Variants in C19orf53 observed in about 807,000 individuals in gnomAD.
C19orf53 encodes chromosome 19 open reading frame 53, also known as leydig cell tumor 10 kDa protein homolog.
In C19orf53, 9 loss-of-function variants were observed where a neutral mutation model predicts 6.5. The ratio of observed to expected loss-of-function variants is 1.38; its 90% CI spans 0.83 to 2.40. C19orf53 has a LOEUF of 2.40. C19orf53 is among the 30% of genes most tolerant of loss of function. C19orf53 has a pLI of 0.00. For missense variants in C19orf53, 166 were observed against 129.7 expected (o/e 1.28, Z -1.36); for synonymous variants, 68 against 52.5 (o/e 1.29, Z -1.27).
Position 13,774,914 on chromosome 19 carries a change from G to A in C19orf53, c.153+207G>A, listed in dbSNP as rs779409385. The stretch of plus-strand genomic sequence containing the variant: ...GGGGCGCAGAGAGGGGTAAGAGGTG[G>A]AAGCTGGCGAGGGATAGGGGCTGGG... On this transcript the variant is annotated intron_variant, in intron 2 of 2. Transcript: ENST00000588234. 4 of 661,740 alleles carry A rather than the reference G, an allele frequency of 6.0e-6. No homozygotes were observed. The South Asian group carries it at 6.2e-5, about 10-fold the overall frequency. The allele number at this position is 661,740 out of a possible 1,614,324, so 41.0% of individuals were successfully genotyped here.
rs774651891 is a variant in C19orf53, at chr19:13,774,531, G to A, written c.54G>A (p.Thr18=). 6.2e-6 allele frequency: 10 copies of A among 1,613,584 alleles called. No individual in the cohort carries two copies. The highest frequency in any genetic ancestry group is 1.6e-4 in the Middle Eastern group (1 of 6,082). ...CGCACAAACCCGCAAAGAGTAAGAC[G>A]GCAGCGGCAGCCTCTGAAAAGAATC... ...FQAHKPAKSK[T]AAAASEKNRG... is the part of the protein sequence containing the mutation. Residue 18 remains threonine (T), a synonymous_variant, in exon 1 of 3, where the codon ACG becomes ACA. Coordinates refer to ENST00000588234, the MANE Select transcript of C19orf53 (RefSeq NM_014047.3).
In C19orf53 at chr19:13,778,249, G is replaced by A. The variant is rs371370587; in HGVS notation, c.*51G>A. On this transcript the variant is annotated 3_prime_UTR_variant, in exon 3 of 3. Transcript: ENST00000588234. ...CATCCCACCCCCTACCTCCATATGG[G>A]ACCTTGCAAGTCATCCCACAGGCTG... 2.0e-6 allele frequency: 3 copies of A among 1,503,192 alleles called. No individual in the cohort carries two copies. In the East Asian group the frequency reaches 7.1e-5, roughly 36 times the overall value. 93.1% of individuals were successfully genotyped at this position (1,503,192 alleles called of 1,614,324 possible).
chr19:13,775,112 A>C (rs1974354678), intron 2 of C19orf53, among the ~76,000 whole-genome samples: 1 of 152,162 alleles, frequency 6.6e-6, no homozygotes, highest in Admixed American at 6.6e-5. Context: ...GGCCTCGTAG[A>C]AGCAAGACCT....
chr19:13,778,394 C>A lies in C19orf53; in HGVS notation c.*196C>A. The A allele has an allele frequency of 1.7e-6, 1 of 572,258 alleles. No individual in the cohort carries two copies. Among genetic ancestry groups the A allele is most frequent in the Non-Finnish European group, 2.8e-6 (1 of 356,656 alleles). The allele number at this position is 572,258 out of a possible 1,614,324, so 35.4% of individuals were successfully genotyped here. A position where few individuals can be genotyped will look rare whatever the true frequency, so the allele number is the denominator to read the frequency against. ...AGATACAGTCACTAACTTCATCTGTCCCCGTGCCCCTTCCCAGGTCCTGCC... is the reference window on the plus strand; with the variant it reads ...AGATACAGTCACTAACTTCATCTGTACCCGTGCCCCTTCCCAGGTCCTGCC... On this transcript the variant is annotated 3_prime_UTR_variant, in exon 3 of 3. Transcript: ENST00000588234.
rs747774646 is a variant in C19orf53 at position 13,774,467 on chromosome 19, C to A, written c.-11C>A. On this transcript the variant is annotated 5_prime_UTR_variant, in exon 1 of 3. Transcript: ENST00000588234. ...GCTCACAGTCCCGCCTCTTCCGCTGCGTGCCGGACCATGGCGCAGGGGCAG... is the reference window on the plus strand; with the variant it reads ...GCTCACAGTCCCGCCTCTTCCGCTGAGTGCCGGACCATGGCGCAGGGGCAG... 4.4e-6 allele frequency: 7 copies of A among 1,591,926 alleles called. No homozygotes were observed. The highest frequency in any genetic ancestry group is 6.0e-6 in the Non-Finnish European group (7 of 1,169,422).
chr19:13,778,064 G>A lies in C19orf53; in HGVS notation c.166G>A (p.Gly56Arg), dbSNP rs200960361. Reference protein sequence around the residue: ...QQKLKKNLEVGIRKKIEHDVV... With the variant: ...QQKLKKNLEVRIRKKIEHDVV... ...GCTTCTCCCTCAGAACCTAGAAGTC[G>A]GAATCCGGAAGAAGATCGAACATGA... The change falls in exon 3 of 3, where the codon GGA (glycine) becomes AGA (arginine). Residue 56 changes from glycine (G) to arginine (R), a missense_variant. Transcript: ENST00000588234. 2.8e-4 allele frequency: 444 copies of A among 1,610,396 alleles called. 1 individual carries two copies. The highest frequency in any genetic ancestry group is 2.9e-4 in the Non-Finnish European group (338 of 1,177,902).
At position 13,778,153 on chromosome 19, in the gene C19orf53, G is replaced by T; in HGVS notation, c.255G>T (p.Lys85Asn). 1 of 1,612,194 alleles carries T rather than the reference G, an allele frequency of 6.2e-7. No homozygotes were observed. Among genetic ancestry groups the T allele is most frequent in the Non-Finnish European group, 8.5e-7 (1 of 1,178,868 alleles). Residue 85 changes from lysine (K) to asparagine (N), a missense_variant, in exon 3 of 3, where the codon AAG (lysine) becomes AAT (asparagine). By Grantham distance (94) the Lys-to-Asn change is moderately conservative. Coordinates refer to ENST00000588234, the MANE Select transcript of C19orf53 (RefSeq NM_014047.3). ...TGGCACTGCTGAAGGCCCCAGCCAA[G>T]AAGAAAGGGGCAGCTGCCGCCACCT... ...KKLALLKAPA[K>N]KKGAAAATSS...
intron 2 of C19orf53, among the ~76,000 whole-genome samples, chr19:13,776,628 T>G (rs1974374672): frequency 6.6e-6 from 1 of 152,136 alleles, no homozygotes; most frequent in African/African-American, 2.4e-5. Context: ...CCGGAGCCCT[T>G]CCTGGGCTCC....
intron 2 of C19orf53, among the ~76,000 whole-genome samples, chr19:13,775,104 C>T (rs1344713494): frequency 6.6e-6 from 1 of 152,108 alleles, no homozygotes; most frequent in East Asian, 1.9e-4. Flanking sequence ...TTCAAAAGGG[C>T]CTCGTAGAAG....
intron 2 of C19orf53, among the ~76,000 whole-genome samples, chr19:13,775,851 C>T (rs1974364968): frequency 6.6e-6 from 1 of 152,126 alleles, no homozygotes. Context: ...AATTCCTGAT[C>T]CTCCCTTCCC....
Position 13,778,334 on chromosome 19 carries a change from G to A in C19orf53, c.*136G>A. The A allele has an allele frequency of 9.0e-7, 1 of 1,109,564 alleles. No individual in the cohort carries two copies. Among genetic ancestry groups the A allele is most frequent in the Non-Finnish European group, 1.2e-6 (1 of 819,956 alleles). 68.7% of individuals were successfully genotyped at this position (1,109,564 alleles called of 1,614,324 possible). A position where few individuals can be genotyped will look rare whatever the true frequency, so the allele number is the denominator to read the frequency against. On this transcript the variant is annotated 3_prime_UTR_variant, in exon 3 of 3. Transcript: ENST00000588234. ...GGGCTTCACCTAGAACTTCAGTGGG[G>A]GCCAAGGGTGCTGAGAACCCAGCAA...
intron 2 of C19orf53, 184 bp downstream of exon 2, chr19:13,774,891 G>C: frequency 2.6e-6 from 2 of 759,062 alleles, no homozygotes; most frequent in East Asian, 2.7e-5. Flanking sequence ...TGGAGCCCGG[G>C]GCGCAGAGAG....
At chr19:13,775,177 A>T (rs1246572681) in intron 2 of C19orf53, among the ~76,000 whole-genome samples, 1 of 152,136 alleles carries the variant, frequency 6.6e-6, no homozygotes, top group Non-Finnish European at 1.5e-5. Flanking sequence ...TGTTTTCTTT[A>T]ATTGAACTCA....
Position 13,778,407 on chromosome 19 carries a change from C to A in C19orf53, c.*209C>A. Reference sequence around the variant, plus strand: ...AACTTCATCTGTCCCCGTGCCCCTTCCCAGGTCCTGCCTCCACAGGTTTAA... The same window carrying A: ...AACTTCATCTGTCCCCGTGCCCCTTACCAGGTCCTGCCTCCACAGGTTTAA... On this transcript the variant is annotated 3_prime_UTR_variant, in exon 3 of 3. Coordinates refer to ENST00000588234, the MANE Select transcript of C19orf53 (RefSeq NM_014047.3). 1.9e-6 allele frequency: 1 copy of A among 514,544 alleles called. No homozygotes were observed. The highest frequency in any genetic ancestry group is 3.5e-5 in the East Asian group (1 of 28,872). The allele number at this position is 514,544 out of a possible 1,614,324, so 31.9% of individuals were successfully genotyped here. A position where few individuals can be genotyped will look rare whatever the true frequency, so the allele number is the denominator to read the frequency against.
At chr19:13,776,404 C>T (rs1309797079) in intron 2 of C19orf53, among the ~76,000 whole-genome samples, 1 of 151,992 alleles carries the variant, frequency 6.6e-6, no homozygotes, top group Non-Finnish European at 1.5e-5. Context: ...TCCTGGATCC[C>T]ACCTGGTCCT....
In C19orf53 at chr19:13,774,495, C is replaced by T. The variant is rs1128749; in HGVS notation, c.18C>T (p.Arg6=). MAQGQ[R]KFQAHKPAKS... is the part of the protein sequence containing the mutation. ...GCCGGACCATGGCGCAGGGGCAGCG[C>T]AAGTTTCAGGCGCACAAACCCGCAA... The change falls in exon 1 of 3, where the codon CGC becomes CGT. Residue 6 remains arginine (R), a synonymous_variant. Transcript: ENST00000588234. 0.27 allele frequency: 442,413 copies of T among 1,609,248 alleles called. 64,446 individuals are homozygous for T. The highest frequency in any genetic ancestry group is 0.45 in the South Asian group (40,575 of 90,696).
intron 2 of C19orf53, among the ~76,000 whole-genome samples, chr19:13,776,566 C>G (rs1974373969): frequency 6.6e-6 from 1 of 152,174 alleles, no homozygotes; most frequent in Non-Finnish European, 1.5e-5. Context: ...TCTCCTTCCA[C>G]CCTCTCCTCT....
intron 2 of C19orf53, among the ~76,000 whole-genome samples, chr19:13,775,942 G>A (rs951880072): frequency 7.3e-5 from 11 of 151,492 alleles, no homozygotes; most frequent in African/African-American, 2.7e-4. Context: ...CTCACATCCC[G>A]GTCTCATCCC....
Position 13,778,274 on chromosome 19 carries a change from G to T in C19orf53, c.*76G>T. ...GACCTTGCAAGTCATCCCACAGGCT[G>T]CACTGTCAGGAAGAGGACCCTGTCC... On this transcript the variant is annotated 3_prime_UTR_variant, in exon 3 of 3. Transcript: ENST00000588234. 8.9e-6 allele frequency: 13 copies of T among 1,460,568 alleles called. No homozygotes were observed. Among genetic ancestry groups the T allele is most frequent in the Non-Finnish European group, 1.2e-5 (13 of 1,099,824 alleles). The allele number at this position is 1,460,568 out of a possible 1,614,324, so 90.5% of individuals were successfully genotyped here.
Sources: gnomAD v4.1 joint callset for allele counts (sites outside exome capture counted in the v4.1 genomes callset) on GRCh38, gnomAD v4.1.1 for gene constraint, MANE v1.5 for transcripts, NCBI Gene and HGNC (gene_info 2026-07-23, HGNC 2026-07-21) for gene names.